The following THSD7B variants were observed in gnomAD, a reference collection of about 807,000 sequenced individuals.
THSD7B encodes the protein thrombospondin type-1 domain-containing protein 7B.
THSD7B carries 138 observed loss-of-function variants against 213.6 expected under a neutral mutation model. The ratio of observed to expected loss-of-function variants is 0.65; its 90% CI spans 0.56 to 0.74. The LOEUF (loss-of-function observed/expected upper bound fraction) is 0.74, where lower values mean the gene tolerates loss of function less well. THSD7B is among the 30% of genes least tolerant of loss of function. The pLI, the probability that THSD7B is intolerant of heterozygous loss-of-function variation, is 0.00. For synonymous variants in THSD7B, 742 were observed against 687.0 expected, an observed-to-expected ratio of 1.08 and a Z score of -1.25; for missense variants, 1,931 against 1,991.5, an observed-to-expected ratio of 0.97 and a Z score of 0.58.
At position 136,939,545 on chromosome 2, in the gene THSD7B, C is replaced by T. The variant is rs539734912; in HGVS notation, c.139+57228C>T. 4.4e-4 allele frequency among the ~76,000 whole-genome samples: 67 copies of T among 152,254 alleles called. 1 individual carries two copies. The South Asian group carries it at 0.014, about 31-fold the overall frequency. Reference sequence around the variant, plus strand: ...TGTCAGGTTGGATCTCTCCTTTCACCAGGCATATGCTGTGTGGAATTCCAA... The same window carrying T: ...TGTCAGGTTGGATCTCTCCTTTCACTAGGCATATGCTGTGTGGAATTCCAA... On this transcript the variant is annotated intron_variant, in intron 2 of 27. Transcript: ENST00000409968.
At chr2:137,578,185 A>G (rs560299011) in intron 17 of THSD7B, among the ~76,000 whole-genome samples, 84 of 152,222 alleles carry the variant, frequency 5.5e-4, no homozygotes, top group Non-Finnish European at 6.9e-4. Context: ...CAAGGAGACC[A>G]TGGTGAGGAT....
At chr2:137,384,019 C>T (rs1365039683) in intron 12 of THSD7B, among the ~76,000 whole-genome samples, 1 of 152,154 alleles carries the variant, frequency 6.6e-6, no homozygotes, top group Non-Finnish European at 1.5e-5. Flanking sequence ...CTCATGGGAC[C>T]TTCTTTATAC....
At chr2:137,081,385 C>G (rs1057399315) in intron 3 of THSD7B, among the ~76,000 whole-genome samples, 33 of 151,976 alleles carry the variant, frequency 2.2e-4, no homozygotes, top group Admixed American at 2.2e-3. Flanking sequence ...CTATCTTTAT[C>G]TCATCTTATT....
Position 137,622,019 on chromosome 2 carries a change from C to A in THSD7B, c.3799+1293C>A, listed in dbSNP as rs140063802. Reference sequence around the variant, plus strand: ...TGTTGCAGGAATGAATCTATCCCTGCACGAGTGAGAACTCACTCGCCCCCA... The same window carrying A: ...TGTTGCAGGAATGAATCTATCCCTGAACGAGTGAGAACTCACTCGCCCCCA... On this transcript the variant is annotated intron_variant, in intron 20 of 27. Transcript: ENST00000409968. Among the ~76,000 whole-genome samples, 711 of 152,260 alleles carry A rather than the reference C, an allele frequency of 4.7e-3. 2 individuals are homozygous for A. The highest frequency in any genetic ancestry group is 6.4e-3 in the Non-Finnish European group (437 of 68,026).
intron 5 of THSD7B, among the ~76,000 whole-genome samples, chr2:137,129,544 A>G (rs1468644451): frequency 1.3e-5 from 2 of 151,684 alleles, no homozygotes; most frequent in Non-Finnish European, 1.5e-5. Context: ...GGCTCAGGTG[A>G]TCCTCCTGCC....
intron 2 of THSD7B, among the ~76,000 whole-genome samples, chr2:136,890,659 C>A (rs956897682): frequency 6.7e-6 from 1 of 149,806 alleles, no homozygotes; most frequent in Admixed American, 6.7e-5. Context: ...TCCGCCTCAG[C>A]CTCCTGAGTA....
In THSD7B at chr2:137,464,748, A is replaced by ATTAT. The variant is rs531702215; in HGVS notation, c.3138+13748_3138+13751dup. Among the ~76,000 whole-genome samples the ATTAT allele has an allele frequency of 4.7e-4, 71 of 152,030 alleles. 1 individual carries two copies. Among genetic ancestry groups the ATTAT allele is most frequent in the South Asian group, 2.1e-3 (10 of 4,818 alleles). On this transcript the variant is annotated intron_variant, in intron 15 of 27. Coordinates refer to ENST00000409968, the MANE Select transcript of THSD7B (RefSeq NM_001316349.2). ...AGCTGCTCAATTGACTGTTTAAAAA[A>ATTAT]TTATTTATTTATTTATTTATTTATT...
In THSD7B at chr2:136,825,718, A is replaced by ATTTTTTTTTTGTTTGTTTTTT. The variant is rs1553451022; in HGVS notation, c.-35-56416_-35-56415insGTTTGTTTTTTTTTTTTTTTT. Among the ~76,000 whole-genome samples the ATTTTTTTTTTGTTTGTTTTTT allele has an allele frequency of 1.1e-3, 133 of 116,888 alleles. 2 individuals carry two copies. Among genetic ancestry groups the ATTTTTTTTTTGTTTGTTTTTT allele is most frequent in the South Asian group, 8.7e-3 (28 of 3,220 alleles). The allele number at this position is 116,888 out of a possible 152,430, so 76.7% of individuals were successfully genotyped here. A position where few individuals can be genotyped will look rare whatever the true frequency, so the allele number is the denominator to read the frequency against. ...AGGTGCTCACTGCCATGCCTGGCTA[A>ATTTTTTTTTTGTTTGTTTTTT]TTTTTTTTTTTTTTTTAGATCTGGG... is the stretch of plus-strand genomic sequence containing the variant. On this transcript the variant is annotated intron_variant, in intron 1 of 27. Transcript: ENST00000409968.
At chr2:137,369,542 G>A (rs1685498233) in intron 12 of THSD7B, among the ~76,000 whole-genome samples, 1 of 152,126 alleles carries the variant, frequency 6.6e-6, no homozygotes, top group Non-Finnish European at 1.5e-5. Context: ...TATATTTGGG[G>A]GTTGAGTGTG....
chr2:137,302,322 G>A (rs538698433), intron 12 of THSD7B, among the ~76,000 whole-genome samples: 1 of 152,124 alleles, frequency 6.6e-6, no homozygotes, highest in Non-Finnish European at 1.5e-5. Flanking sequence ...AGTGGTGCAT[G>A]GAGAAGACCC....
At chr2:137,412,132 G>T (rs1367191928) in intron 14 of THSD7B, among the ~76,000 whole-genome samples, 2 of 152,012 alleles carry the variant, frequency 1.3e-5, no homozygotes, top group African/African-American at 4.8e-5. Context: ...CCTGTTTACT[G>T]GTGGTCAGCA....
intron 3 of THSD7B, among the ~76,000 whole-genome samples, chr2:137,079,947 C>G (rs1687708268): frequency 6.6e-6 from 1 of 152,042 alleles, no homozygotes; most frequent in Non-Finnish European, 1.5e-5. Context: ...TCAGGCGATT[C>G]TCTTACCTCA....
intron 3 of THSD7B, among the ~76,000 whole-genome samples, chr2:137,077,572 G>A: frequency 6.6e-6 from 1 of 152,074 alleles, no homozygotes; most frequent in East Asian, 1.9e-4. Flanking sequence ...TTCTCTGATG[G>A]CCAGTGATGA....
At position 137,324,835 on chromosome 2, in the gene THSD7B, C is replaced by T. The variant is rs544255065; in HGVS notation, c.2500+48809C>T. On this transcript the variant is annotated intron_variant, in intron 12 of 27. Coordinates refer to ENST00000409968, the MANE Select transcript of THSD7B (RefSeq NM_001316349.2). ...TTAAAATTAGGAAGGAGGACAAAAT[C>T]GAACTCCATATTACTGACCCGTTTC... 1.7e-4 allele frequency among the ~76,000 whole-genome samples: 26 copies of T among 152,308 alleles called. No homozygotes were observed. The South Asian group carries it at 4.6e-3, about 27-fold the overall frequency.
chr2:136,927,952 G>T (rs1684568281), intron 2 of THSD7B, among the ~76,000 whole-genome samples: 1 of 152,158 alleles, frequency 6.6e-6, no homozygotes, highest in Non-Finnish European at 1.5e-5. Flanking sequence ...AAGTCAGGAG[G>T]GAGAGAAGTG....
chr2:136,884,575 A>G (rs1683685183), intron 2 of THSD7B, among the ~76,000 whole-genome samples: 1 of 152,178 alleles, frequency 6.6e-6, no homozygotes, highest in Non-Finnish European at 1.5e-5. Context: ...AGGAAGCAGG[A>G]TGGAGAATGG....
At chr2:136,915,043 C>T (rs1376307967) in intron 2 of THSD7B, among the ~76,000 whole-genome samples, 1 of 152,030 alleles carries the variant, frequency 6.6e-6, no homozygotes, top group Non-Finnish European at 1.5e-5. Flanking sequence ...TCTGAAAAAA[C>T]ACAAACATGC....
chr2:136,974,561 T>C (rs1159277380), intron 2 of THSD7B, among the ~76,000 whole-genome samples: 1 of 152,196 alleles, frequency 6.6e-6, no homozygotes, highest in African/African-American at 2.4e-5. Flanking sequence ...AGTATTCCAT[T>C]GTGTATATGT....
At chr2:136,969,237 C>T (rs1558871097) in intron 2 of THSD7B, among the ~76,000 whole-genome samples, 1 of 152,156 alleles carries the variant, frequency 6.6e-6, no homozygotes, top group Non-Finnish European at 1.5e-5. Flanking sequence ...CTTATGAAAT[C>T]TAGCTTATCC....
Sources: gnomAD v4.1 joint callset for allele counts (sites outside exome capture counted in the v4.1 genomes callset) on GRCh38, gnomAD v4.1.1 for gene constraint, MANE v1.5 for transcripts, NCBI Gene and HGNC (gene_info 2026-07-23, HGNC 2026-07-21) for gene names.